TAF1: variants seen among roughly 807,000 people sequenced by gnomAD.
TAF1 encodes transcription initiation factor TFIID subunit 1.
In TAF1, 2 loss-of-function variants were observed where a neutral mutation model predicts 138.5. The observed-to-expected ratio is 0.01, with a 90% CI of 0.01 to 0.05. The LOEUF (loss-of-function observed/expected upper bound fraction) is 0.05, where lower values mean the gene tolerates loss of function less well. Ranked by LOEUF, TAF1 falls within the 10% of genes least tolerant of loss-of-function variation. The pLI is 1.00. For synonymous variants in TAF1, 437 were observed against 503.2 expected, an observed-to-expected ratio of 0.87 and a Z score of 1.76; for missense variants, 709 against 1,478.0, an observed-to-expected ratio of 0.48 and a Z score of 8.53.
At chrX:71,486,435 T>C (rs1482082072) in intron 13 of TAF1, among the ~76,000 whole-genome samples, 1 of 109,927 alleles carries the variant, frequency 9.1e-6, no homozygotes, top group East Asian at 2.8e-4. Flanking sequence ...CATAGCTCAC[T>C]GCAGCACCAA....
intron 25 of TAF1, among the ~76,000 whole-genome samples, chrX:71,406,190 G>A (rs750678392): frequency 1.8e-5 from 2 of 109,729 alleles, no homozygotes; most frequent in African/African-American, 3.3e-5. Context: ...TTAGCTGTGC[G>A]TGGTGGTGGG....
intron 32 of TAF1, among the ~76,000 whole-genome samples, chrX:71,444,208 A>G (rs1239213902): frequency 2.7e-5 from 3 of 111,239 alleles, no homozygotes; most frequent in Non-Finnish European, 5.7e-5. Flanking sequence ...GGGTTTTGCC[A>G]TGTTGGCCAG....
intron 13 of TAF1, among the ~76,000 whole-genome samples, chrX:71,506,598 G>A (rs2039632689): frequency 9.4e-6 from 1 of 106,465 alleles, no homozygotes; most frequent in Admixed American, 1.0e-4. Flanking sequence ...GGGAGGCTGA[G>A]GCAGAAGAAT....
At chrX:71,379,251 G>C (rs2033703182) in intron 8 of TAF1, among the ~76,000 whole-genome samples, 1 of 108,359 alleles carries the variant, frequency 9.2e-6, no homozygotes, top group Non-Finnish European at 1.9e-5. Flanking sequence ...GAGTGGCTAG[G>C]ATTACAGGCG....
At chrX:71,501,082 A>G (rs2147573441) in intron 13 of TAF1, among the ~76,000 whole-genome samples, 1 of 103,663 alleles carries the variant, frequency 9.6e-6, no homozygotes, top group African/African-American at 3.6e-5. Flanking sequence ...AAAAAAAAAG[A>G]TGTTATGCCC....
intron 32 of TAF1, among the ~76,000 whole-genome samples, chrX:71,426,357 A>G (rs1358905818): frequency 2.7e-5 from 3 of 111,183 alleles, no homozygotes; most frequent in African/African-American, 9.8e-5. Context: ...TGTGGAGGAG[A>G]AAATGTTCTA....
chrX:71,390,298 C>T (rs773342227), intron 18 of TAF1, among the ~76,000 whole-genome samples: 78 of 111,859 alleles, frequency 7.0e-4, no homozygotes, highest in Non-Finnish European at 1.2e-3. Context: ...ATATTCTAAG[C>T]TCCAACCATA....
chrX:71,506,944 G>A (rs1194164563), intron 13 of TAF1, among the ~76,000 whole-genome samples: 2 of 111,432 alleles, frequency 1.8e-5, no homozygotes, highest in African/African-American at 3.3e-5. Context: ...CCTCAAAAAC[G>A]TGCTATGTAG....
Position 71,388,804 on chromosome X carries a change from C to G in TAF1, c.2636C>G (p.Ala879Gly). Residue 879 changes from alanine to glycine, a missense_variant, in exon 17 of 38, where the codon GCT (alanine) becomes GGT (glycine). Around this residue, in one of 14 missense-constraint regions of TAF1, gnomAD observed 23 missense variants for 24.4 expected, o/e 0.94. Coordinates refer to ENST00000423759, the MANE Select transcript of TAF1 (RefSeq NM_004606.5). ...FRLPTEEEIRAMVSPEQCCAY... is the reference protein window; with the variant it reads ...FRLPTEEEIRGMVSPEQCCAY... ...TTACCAACGGAAGAAGAGATCAGAG[C>G]TATGGTGTCACCAGAGCAGTGCTGT... The G allele has an allele frequency of 8.3e-7, 1 of 1,211,670 alleles. No individual in the cohort carries two copies. Among genetic ancestry groups the G allele is most frequent in the Non-Finnish European group, 1.1e-6 (1 of 895,451 alleles).
chrX:71,457,168 CCT>C (rs1173826991), intron 34 of TAF1, among the ~76,000 whole-genome samples: 4 of 111,868 alleles, frequency 3.6e-5, no homozygotes, highest in African/African-American at 1.3e-4. Flanking sequence ...TTTTGTTTTG[CCT>C]CTGTTTCTCC....
In TAF1 at chrX:71,379,026, A is replaced by G; in HGVS notation, c.1355A>G (p.Gln452Arg). The G allele has an allele frequency of 8.3e-7, 1 of 1,208,343 alleles. No homozygotes were observed. The highest frequency in any genetic ancestry group is 1.1e-6 in the Non-Finnish European group (1 of 893,861). The change falls in exon 8 of 38, where the codon CAG becomes CGG. Residue 452 changes from glutamine (Q) to arginine (R), a missense_variant. Coordinates refer to ENST00000423759, the MANE Select transcript of TAF1 (RefSeq NM_004606.5). The part of the protein sequence containing the change: ...MTRNAMAYNV[Q>R]QGFAATLDDD... Reference sequence around the variant, plus strand: ...AGGAATGCGATGGCTTACAATGTTCAGCAAGGTGTGCTTCTGTGCCAGCTG... The same window carrying G: ...AGGAATGCGATGGCTTACAATGTTCGGCAAGGTGTGCTTCTGTGCCAGCTG...
intron 28 of TAF1, 109 bp downstream of exon 28, chrX:71,408,260 C>A (rs1407368014): frequency 3.3e-6 from 3 of 902,240 alleles, no homozygotes; most frequent in African/African-American, 2.0e-5. Flanking sequence ...TGTATTTGTG[C>A]ATTCATTTGT....
chrX:71,458,522 A>T (rs918847889), intron 35 of TAF1, among the ~76,000 whole-genome samples, 156 bp downstream of exon 35: 4 of 111,621 alleles, frequency 3.6e-5, no homozygotes, highest in Non-Finnish European at 3.8e-5. Context: ...TCAAGTTGGG[A>T]TGGCAGCAGG....
At chrX:71,483,990 C>T (rs2039127481) in intron 13 of TAF1, among the ~76,000 whole-genome samples, 1 of 110,102 alleles carries the variant, frequency 9.1e-6, no homozygotes, top group Non-Finnish European at 1.9e-5. Flanking sequence ...ATTCACCAAT[C>T]TTTATTCAGG....
chrX:71,424,129 G>T, intron 31 of TAF1, 25 bp from the exon 32 acceptor site: 4 of 1,203,362 alleles, frequency 3.3e-6, no homozygotes, highest in Non-Finnish European at 4.5e-6. Flanking sequence ...GTGTGTATCT[G>T]AGTGCCTGAT....
intron 13 of TAF1, among the ~76,000 whole-genome samples, chrX:71,495,801 G>T (rs1301808184): frequency 8.9e-6 from 1 of 111,890 alleles, no homozygotes; most frequent in African/African-American, 3.2e-5. Flanking sequence ...AGTATTGGTT[G>T]TATGGCCCTG....
intron 28 of TAF1, among the ~76,000 whole-genome samples, chrX:71,410,990 C>T (rs1242868141): frequency 9.2e-6 from 1 of 108,590 alleles, no homozygotes; most frequent in Non-Finnish European, 1.9e-5. Context: ...GCCATGTTGG[C>T]CAGGCTGGTC....
At chrX:71,444,290 G>A (rs755173367) in intron 32 of TAF1, among the ~76,000 whole-genome samples, 1 of 112,387 alleles carries the variant, frequency 8.9e-6, no homozygotes, top group African/African-American at 3.2e-5. Flanking sequence ...CTACAGTCGT[G>A]AGCCACCTCG....
chrX:71,466,668 G>A (rs756333556), downstream of TAF1, among the ~76,000 whole-genome samples: 20 of 111,775 alleles, frequency 1.8e-4, no homozygotes, highest in African/African-American at 5.8e-4. Context: ...GTGAGCCACC[G>A]CGCCCAGCCA....
Sources: allele counts gnomAD v4.1 joint callset (sites outside exome capture counted in the v4.1 genomes callset), GRCh38; gene constraint gnomAD v4.1.1; regional missense constraint gnomAD v4.1.1; transcripts MANE v1.5; gene names NCBI Gene and HGNC (gene_info 2026-07-23, HGNC 2026-07-21).